Variants in TMPRSS15 observed in about 807,000 individuals in gnomAD.
The protein encoded by TMPRSS15 is enteropeptidase.
TMPRSS15 carries 128 observed loss-of-function variants against 125.3 expected under a neutral mutation model. The observed-to-expected ratio is 1.02, with a 90% CI of 0.89 to 1.18. The LOEUF is 1.18. Ranked by LOEUF, TMPRSS15 falls within the 50% of genes most tolerant of loss-of-function variation. The pLI is 0.00. For synonymous variants in TMPRSS15, 446 were observed against 423.2 expected, an observed-to-expected ratio of 1.05 and a Z score of -0.66; for missense variants, 1,283 against 1,212.7, an observed-to-expected ratio of 1.06 and a Z score of -0.86.
At chr21:18,360,006 C>T (rs2147022621) in intron 7 of TMPRSS15, 143 bp from the exon 8 acceptor site, 2 of 541,322 alleles carry the variant, frequency 3.7e-6, no homozygotes, top group South Asian at 3.9e-5. Context: ...GTGTACAGTG[C>T]AGTATTGCCG....
intron 1 of TMPRSS15, among the ~76,000 whole-genome samples, chr21:18,483,704 A>C (rs1295071609): frequency 6.6e-6 from 1 of 151,962 alleles, no homozygotes; most frequent in Non-Finnish European, 1.5e-5. Flanking sequence ...ATTGTGTGAT[A>C]ATTGACAACT....
At chr21:18,462,940 T>G (rs1386837636) in intron 1 of TMPRSS15, among the ~76,000 whole-genome samples, 1 of 152,088 alleles carries the variant, frequency 6.6e-6, no homozygotes, top group East Asian at 1.9e-4. Flanking sequence ...ATCCAGAATT[T>G]CATATCCACC....
chr21:18,314,912 A>G (rs1224650958), intron 17 of TMPRSS15, among the ~76,000 whole-genome samples: 2 of 152,172 alleles, frequency 1.3e-5, no homozygotes, highest in Admixed American at 6.5e-5. Flanking sequence ...CTCTAGAATT[A>G]CAGTTAATAA....
At chr21:18,356,432 G>C (rs2824766) in intron 8 of TMPRSS15, among the ~76,000 whole-genome samples, 89,261 of 151,430 alleles carry the variant, frequency 0.59, 26,719 homozygotes, top group East Asian at 0.86. Context: ...GCCAAGTGCT[G>C]ATGACATAGA....
rs2075292162 is a variant in TMPRSS15, at chr21:18,326,476, C to A, written c.1877G>T (p.Gly626Val). Residue 626 changes from glycine to valine, a missense_variant, in exon 16 of 25, where the codon GGG becomes GTG. Coordinates refer to ENST00000284885, the MANE Select transcript of TMPRSS15 (RefSeq NM_002772.3). Reference protein sequence around the residue: ...LITNDVLARGGFKANFTTGYH... With the variant: ...LITNDVLARGVFKANFTTGYH... ...GCCAGTAGTAAAGTTTGCTTTAAAC[C>A]CTCCTCTTGCCAACACATCGTTAGT... 1.2e-6 allele frequency: 2 copies of A among 1,614,110 alleles called. No individual in the cohort carries two copies. Among genetic ancestry groups the A allele is most frequent in the Non-Finnish European group, 1.7e-6 (2 of 1,180,000 alleles).
At chr21:18,314,878 G>A (rs745907636) in intron 17 of TMPRSS15, among the ~76,000 whole-genome samples, 5 of 151,984 alleles carry the variant, frequency 3.3e-5, no homozygotes, top group East Asian at 3.9e-4. Flanking sequence ...TGGTATTCTC[G>A]GCTTCCTATA....
intron 21 of TMPRSS15, among the ~76,000 whole-genome samples, chr21:18,293,876 G>A (rs1019863204): frequency 1.3e-5 from 2 of 152,164 alleles, no homozygotes; most frequent in African/African-American, 4.8e-5. Context: ...TAAGAATACT[G>A]ATACTGACAA....
chr21:18,385,024 T>C (rs557164234), intron 3 of TMPRSS15, among the ~76,000 whole-genome samples: 49 of 152,290 alleles, frequency 3.2e-4, no homozygotes, highest in African/African-American at 1.2e-3. Context: ...CTATTCAGTT[T>C]CACAGTAATT....
At chr21:18,345,520 T>A (rs2075495675) in intron 10 of TMPRSS15, among the ~76,000 whole-genome samples, 1 of 151,184 alleles carries the variant, frequency 6.6e-6, no homozygotes. Flanking sequence ...GGCGGGCGGA[T>A]CACGAGGTCA....
intron 1 of TMPRSS15, among the ~76,000 whole-genome samples, chr21:18,468,203 C>A (rs1400422558): frequency 1.3e-5 from 2 of 152,096 alleles, no homozygotes; most frequent in Non-Finnish European, 2.9e-5. Context: ...CCTATTTCAA[C>A]CCACTCATTT....
At chr21:18,421,927 C>T (rs2076192821) in intron 1 of TMPRSS15, among the ~76,000 whole-genome samples, 1 of 151,602 alleles carries the variant, frequency 6.6e-6, no homozygotes, top group South Asian at 2.1e-4. Flanking sequence ...GGGCATGGGA[C>T]AGCTAAAACT....
At chr21:18,305,225 G>A (rs1392424933) in intron 18 of TMPRSS15, among the ~76,000 whole-genome samples, 2 of 111,004 alleles carry the variant, frequency 1.8e-5, no homozygotes, top group African/African-American at 7.2e-5. Flanking sequence ...GTCTCCCTCT[G>A]TCGCCCAGGC....
intron 4 of TMPRSS15, among the ~76,000 whole-genome samples, chr21:18,381,228 G>A (rs776906759): frequency 2.6e-4 from 39 of 152,062 alleles, no homozygotes; most frequent in Non-Finnish European, 5.6e-4. Context: ...CTACTAACTA[G>A]GTGGTTTATT....
At chr21:18,287,905 G>C (rs1417013568) in intron 21 of TMPRSS15, among the ~76,000 whole-genome samples, 1 of 152,040 alleles carries the variant, frequency 6.6e-6, no homozygotes, top group Non-Finnish European at 1.5e-5. Flanking sequence ...ACCTACCCTT[G>C]AAATCTCTAC....
At chr21:18,383,504 C>T in intron 4 of TMPRSS15, 123 bp downstream of exon 4, 1 of 1,111,782 alleles carries the variant, frequency 9.0e-7, no homozygotes, top group Non-Finnish European at 1.3e-6. Flanking sequence ...GTAAATGTGT[C>T]ACCTCAGGCA....
intron 1 of TMPRSS15, among the ~76,000 whole-genome samples, chr21:18,409,917 C>CCCTTCCTTCCTTCCTTTCTT (rs1569063378): frequency 3.8e-5 from 5 of 132,882 alleles, no homozygotes; most frequent in Admixed American, 2.3e-4. Context: ...CTCCCTCCCT[C>CCCTTCCTTCCTTCCTTTCTT]CCTTCCTTCC....
At position 18,419,193 on chromosome 21, in the gene TMPRSS15, C is replaced by T. The variant is rs2076186593; in HGVS notation, c.11-20864G>A. ...AACTTTCCTAGTGCCAGTGAACTTT[C>T]TTGATAAGCAATATGTGACATTTCC... On this transcript the variant is annotated intron_variant, in intron 1 of 7. Coordinates refer to the TMPRSS15 transcript ENST00000422787. Among the ~76,000 whole-genome samples, 4 of 144,092 alleles carry T rather than the reference C, an allele frequency of 2.8e-5. No individual in the cohort carries two copies. In the South Asian group the frequency reaches 6.8e-4, roughly 25 times the overall value. The allele number at this position is 144,092 out of a possible 152,430, so 94.5% of individuals were successfully genotyped here. A position where few individuals can be genotyped will look rare whatever the true frequency, so the allele number is the denominator to read the frequency against.
chr21:18,453,080 GAAC>G, intron 1 of TMPRSS15, among the ~76,000 whole-genome samples: 1 of 152,220 alleles, frequency 6.6e-6, no homozygotes, highest in East Asian at 1.9e-4. Context: ...TATATCTTTT[GAAC>G]AACTGCCACA....
At chr21:18,318,041 C>A (rs745679214) in intron 16 of TMPRSS15, among the ~76,000 whole-genome samples, 6 of 152,030 alleles carry the variant, frequency 3.9e-5, no homozygotes, top group Admixed American at 3.3e-4. Context: ...ATTAATGAGA[C>A]AGTGACATTA....
Sources: gnomAD v4.1 joint callset for allele counts (sites outside exome capture counted in the v4.1 genomes callset) on GRCh38, gnomAD v4.1.1 for gene constraint, MANE v1.5 for transcripts, NCBI Gene and HGNC (gene_info 2026-07-23, HGNC 2026-07-21) for gene names.